Variants in SH3RF3 observed in about 807,000 individuals in gnomAD.
SH3RF3 encodes the protein SH3 domain containing ring finger 3, also known as E3 ubiquitin-protein ligase SH3RF3.
A neutral mutation model predicts 66.3 loss-of-function variants in SH3RF3; 29 were observed. The observed-to-expected ratio is 0.44, with a 90% CI of 0.33 to 0.60. The LOEUF is 0.60. Ranked by LOEUF, SH3RF3 falls within the 20% of genes least tolerant of loss-of-function variation. SH3RF3 has a pLI of 0.04. For missense variants in SH3RF3, 1,194 were observed against 1,190.9 expected, an observed-to-expected ratio of 1.00 and a Z score of -0.04; for synonymous variants, 583 against 532.0, an observed-to-expected ratio of 1.10 and a Z score of -1.32.
intron 3 of SH3RF3, among the ~76,000 whole-genome samples, chr2:109,384,153 C>A (rs902909316): frequency 2.6e-5 from 4 of 152,228 alleles, no homozygotes; most frequent in Non-Finnish European, 5.9e-5. Flanking sequence ...TCCTTCCAGG[C>A]CGCCTGGGGT....
intron 1 of SH3RF3, among the ~76,000 whole-genome samples, chr2:109,302,739 C>G (rs1681500740): frequency 1.5e-5 from 2 of 135,204 alleles, no homozygotes. Context: ...CTATGTTCTT[C>G]CTGTTTTCAG....
chr2:109,451,867 G>T (rs1246563877), intron 8 of SH3RF3, among the ~76,000 whole-genome samples: 1 of 152,336 alleles, frequency 6.6e-6, no homozygotes, highest in East Asian at 1.9e-4. Context: ...CCACGCTTGG[G>T]GCTGGACACA....
At chr2:109,316,626 C>T (rs1041834967) in intron 1 of SH3RF3, among the ~76,000 whole-genome samples, 5 of 152,202 alleles carry the variant, frequency 3.3e-5, no homozygotes, top group African/African-American at 9.7e-5. Context: ...CCTCCTGCCC[C>T]GCCCCCATGT....
At chr2:109,399,961 A>G (rs1170139259) in intron 4 of SH3RF3, among the ~76,000 whole-genome samples, 2 of 152,216 alleles carry the variant, frequency 1.3e-5, no homozygotes, top group African/African-American at 4.8e-5. Flanking sequence ...CCCACCCGCC[A>G]CCACGCTCCA....
intron 1 of SH3RF3, among the ~76,000 whole-genome samples, chr2:109,222,905 G>A (rs1458989483): frequency 6.6e-6 from 1 of 152,254 alleles, no homozygotes; most frequent in Admixed American, 6.5e-5. Flanking sequence ...CCCACATGGG[G>A]ACTCAGCCAG....
chr2:109,334,218 T>C (rs1574579657), intron 1 of SH3RF3, among the ~76,000 whole-genome samples: 4 of 151,932 alleles, frequency 2.6e-5, no homozygotes, highest in African/African-American at 7.3e-5. Flanking sequence ...ATTAGCCAGG[T>C]GTGGTGGCAT....
intron 2 of SH3RF3, among the ~76,000 whole-genome samples, chr2:109,354,470 G>A (rs2105594321): frequency 6.6e-6 from 1 of 152,382 alleles, no homozygotes; most frequent in East Asian, 1.9e-4. Context: ...ACTGCTTCTG[G>A]CATTTTACAT....
chr2:109,217,567 C>T (rs1452474791), intron 1 of SH3RF3, among the ~76,000 whole-genome samples: 2 of 152,338 alleles, frequency 1.3e-5, no homozygotes, highest in African/African-American at 2.4e-5. Context: ...GCAGATTTTT[C>T]TCTACCAGGA....
At chr2:109,444,221 G>C (rs1047428894) in intron 7 of SH3RF3, among the ~76,000 whole-genome samples, 1 of 152,210 alleles carries the variant, frequency 6.6e-6, no homozygotes, top group African/African-American at 2.4e-5. Flanking sequence ...AAAAAGAACA[G>C]TGAACTTGGG....
intron 5 of SH3RF3, among the ~76,000 whole-genome samples, chr2:109,428,628 C>T (rs1677103897): frequency 6.6e-6 from 1 of 152,240 alleles, no homozygotes; most frequent in African/African-American, 2.4e-5. Context: ...CATGAAAGCC[C>T]TATACACGCT....
At chr2:109,377,979 G>A (rs1683427933) in intron 3 of SH3RF3, among the ~76,000 whole-genome samples, 1 of 152,228 alleles carries the variant, frequency 6.6e-6, no homozygotes, top group South Asian at 2.1e-4. Flanking sequence ...TCCGCGTTCT[G>A]CACTACCTCA....
chr2:109,271,779 G>C (rs1680631983), intron 1 of SH3RF3, among the ~76,000 whole-genome samples: 1 of 152,236 alleles, frequency 6.6e-6, no homozygotes, highest in Non-Finnish European at 1.5e-5. Flanking sequence ...TATCAGTATT[G>C]AGGCCCACAA....
At chr2:109,335,525 C>T (rs1032169909) in intron 1 of SH3RF3, among the ~76,000 whole-genome samples, 6 of 152,186 alleles carry the variant, frequency 3.9e-5, no homozygotes, top group African/African-American at 1.2e-4. Context: ...TCGATGATGA[C>T]GTTCTAAGAT....
chr2:109,184,523 G>A (rs1309060283), intron 1 of SH3RF3, among the ~76,000 whole-genome samples: 4 of 152,170 alleles, frequency 2.6e-5, no homozygotes, highest in Admixed American at 6.5e-5. Flanking sequence ...TGCGGATAGA[G>A]CTGGGCTGGG....
intron 1 of SH3RF3, among the ~76,000 whole-genome samples, chr2:109,325,204 C>T (rs1682123689): frequency 6.6e-6 from 1 of 152,112 alleles, no homozygotes; most frequent in South Asian, 2.1e-4. Context: ...TGTCTCACTT[C>T]ATCCCTCCAG....
intron 1 of SH3RF3, among the ~76,000 whole-genome samples, chr2:109,270,529 A>G (rs558278631): frequency 2.0e-5 from 3 of 152,252 alleles, no homozygotes; most frequent in East Asian, 1.9e-4. Context: ...GAACCCATCC[A>G]TTCCTCTGTG....
intron 1 of SH3RF3, among the ~76,000 whole-genome samples, chr2:109,249,839 A>ATTTATTTTTTAATTTT (rs1472693694): frequency 6.6e-6 from 1 of 150,860 alleles, no homozygotes; most frequent in Non-Finnish European, 1.5e-5. Flanking sequence ...TGTTTTATTT[A>ATTTATTTTTTAATTTT]TTTATTTTTT....
chr2:109,284,508 T>C (rs1203942345), intron 1 of SH3RF3, among the ~76,000 whole-genome samples: 1 of 152,186 alleles, frequency 6.6e-6, no homozygotes, highest in African/African-American at 2.4e-5. Context: ...TCGTCCAGCC[T>C]TGGAAGCCAC....
chr2:109,388,100 C>A (rs1166337619), intron 3 of SH3RF3, among the ~76,000 whole-genome samples: 1 of 152,210 alleles, frequency 6.6e-6, no homozygotes, highest in African/African-American at 2.4e-5. Flanking sequence ...CATGCACACA[C>A]ATTCACCATC....
Sources: gnomAD v4.1 joint callset for allele counts (sites outside exome capture counted in the v4.1 genomes callset) on GRCh38, gnomAD v4.1.1 for gene constraint, MANE v1.5 for transcripts, NCBI Gene and HGNC (gene_info 2026-07-23, HGNC 2026-07-21) for gene names.